Variants in MALRD1 observed in about 807,000 individuals in gnomAD.
The protein encoded by MALRD1 is MAM and LDL receptor class A domain containing 1, also known as MAM and LDL-receptor class A domain-containing protein 1.
A neutral mutation model predicts 242.1 loss-of-function variants in MALRD1; 247 were observed. That is an observed-to-expected ratio of 1.02 (90% CI 0.92 to 1.13). The LOEUF (loss-of-function observed/expected upper bound fraction) is 1.13. Ranked by LOEUF, MALRD1 falls within the 50% of genes most tolerant of loss-of-function variation. The pLI is 0.00. For missense variants in MALRD1, 2,989 were observed against 2,533.1 expected (o/e 1.18, Z -3.86); for synonymous variants, 995 against 866.6 (o/e 1.15, Z -2.60).
At chr10:19,576,863 C>T (rs11010521) in intron 33 of MALRD1, among the ~76,000 whole-genome samples, 12,749 of 152,060 alleles carry the variant, frequency 0.084, 761 homozygotes, top group African/African-American at 0.17. Flanking sequence ...TTAGTCTTAA[C>T]TTTGCAGTTC....
intron 31 of MALRD1, among the ~76,000 whole-genome samples, chr10:19,499,864 T>A (rs1191789197): frequency 1.3e-5 from 2 of 152,196 alleles, no homozygotes; most frequent in Non-Finnish European, 2.9e-5. Context: ...GGACATTCAT[T>A]CTTGTTTTAA....
chr10:19,312,503 C>T (rs558067711), intron 21 of MALRD1, among the ~76,000 whole-genome samples: 31 of 150,120 alleles, frequency 2.1e-4, no homozygotes, highest in African/African-American at 7.6e-4. Flanking sequence ...TTGAAAGCAT[C>T]GTAGTCTTTA....
chr10:19,177,114 T>A (rs531074886), intron 14 of MALRD1, among the ~76,000 whole-genome samples: 108 of 151,712 alleles, frequency 7.1e-4, no homozygotes, highest in African/African-American at 2.6e-3. Context: ...CCATCTCTAC[T>A]AAAAATACAA....
intron 34 of MALRD1, among the ~76,000 whole-genome samples, chr10:19,599,604 C>A (rs1351729376): frequency 1.3e-5 from 2 of 152,102 alleles, no homozygotes; most frequent in African/African-American, 2.4e-5. Context: ...CAGTCAATAT[C>A]CTGGCAAGAA....
chr10:19,596,529 A>C (rs1838106967), intron 34 of MALRD1, among the ~76,000 whole-genome samples: 1 of 152,044 alleles, frequency 6.6e-6, no homozygotes, highest in Non-Finnish European at 1.5e-5. Context: ...CAGGAGTTTA[A>C]GCCAGCCTGG....
intron 32 of MALRD1, among the ~76,000 whole-genome samples, chr10:19,557,591 G>A (rs909758020): frequency 6.6e-6 from 1 of 151,928 alleles, no homozygotes; most frequent in African/African-American, 2.4e-5. Context: ...TTCTATTTGT[G>A]TGAGTCTGTT....
intron 26 of MALRD1, among the ~76,000 whole-genome samples, chr10:19,365,882 C>A (rs1357478219): frequency 6.6e-6 from 1 of 151,864 alleles, no homozygotes; most frequent in Admixed American, 6.6e-5. Context: ...GTTCTCCTTC[C>A]CGGTAATACT....
intron 36 of MALRD1, among the ~76,000 whole-genome samples, chr10:19,635,444 G>A (rs1840086952): frequency 6.6e-6 from 1 of 151,978 alleles, no homozygotes; most frequent in East Asian, 1.9e-4. Flanking sequence ...GAAAAATTAG[G>A]CATAAAAACT....
chr10:19,516,838 A>G (rs1019884547), intron 31 of MALRD1, among the ~76,000 whole-genome samples: 14 of 151,786 alleles, frequency 9.2e-5, no homozygotes, highest in Non-Finnish European at 2.1e-4. Flanking sequence ...TTTTAAAATG[A>G]TATCTATGAG....
rs78074580 is a variant in MALRD1 at position 19,430,919 on chromosome 10, G to A, written c.4846-19388G>A. On this transcript the variant is annotated intron_variant, in intron 28 of 39. Transcript: ENST00000454679. ...AGGGTGCCTAATGTAGACTTGATGC[G>A]CCATATATGAGTTGAGTAAGTAAGA... Among the ~76,000 whole-genome samples, 856 of 152,180 alleles carry A rather than the reference G, an allele frequency of 5.6e-3. 12 individuals carry two copies. Among genetic ancestry groups the A allele is most frequent in the Admixed American group, 0.021 (317 of 15,274 alleles).
chr10:19,345,678 T>G (rs1343420803), intron 24 of MALRD1, among the ~76,000 whole-genome samples: 2 of 152,072 alleles, frequency 1.3e-5, no homozygotes, highest in Non-Finnish European at 1.5e-5. Flanking sequence ...TGTATCTCTA[T>G]CCTTGAAGAC....
chr10:19,478,501 T>A (rs1433269165), intron 29 of MALRD1, among the ~76,000 whole-genome samples: 7 of 152,156 alleles, frequency 4.6e-5, no homozygotes, highest in Non-Finnish European at 1.0e-4. Context: ...TTCTTCAAGT[T>A]AGAGTTAAAA....
chr10:19,530,376 TAAATA>T (rs1834314468), intron 31 of MALRD1, among the ~76,000 whole-genome samples: 1 of 89,930 alleles, frequency 1.1e-5, no homozygotes, highest in Admixed American at 1.4e-4. Context: ...AATATTTATA[TAAATA>T]TTATATATTT....
intron 36 of MALRD1, among the ~76,000 whole-genome samples, chr10:19,624,931 G>T (rs1461002356): frequency 6.6e-6 from 1 of 150,554 alleles, no homozygotes; most frequent in Non-Finnish European, 1.5e-5. Flanking sequence ...GCTGAGCACA[G>T]TGGCTCACAC....
At chr10:19,617,711 C>T (rs1425042151) in intron 36 of MALRD1, among the ~76,000 whole-genome samples, 1 of 151,952 alleles carries the variant, frequency 6.6e-6, no homozygotes, top group Non-Finnish European at 1.5e-5. Flanking sequence ...TACACAAGCA[C>T]ACATACACAC....
At chr10:19,701,663 TCTTCCCTTCC>T in intron 38 of MALRD1, among the ~76,000 whole-genome samples, 1 of 151,240 alleles carries the variant, frequency 6.6e-6, no homozygotes, top group African/African-American at 2.4e-5. Flanking sequence ...TCTGTATTTC[TCTTCCCTTCC>T]CTTCCCTTTC....
intron 36 of MALRD1, among the ~76,000 whole-genome samples, chr10:19,659,987 A>G (rs1312741671): frequency 6.6e-6 from 1 of 152,132 alleles, no homozygotes; most frequent in Admixed American, 6.6e-5. Context: ...CCCCCTTTAC[A>G]GTGCCTTTAG....
At chr10:19,670,402 C>A in intron 36 of MALRD1, among the ~76,000 whole-genome samples, 1 of 152,148 alleles carries the variant, frequency 6.6e-6, no homozygotes. Flanking sequence ...CACTCGGAAA[C>A]CCATTCCTCC....
chr10:19,448,034 C>T (rs936286101), intron 28 of MALRD1, among the ~76,000 whole-genome samples: 18 of 152,186 alleles, frequency 1.2e-4, no homozygotes, highest in East Asian at 3.9e-4. Flanking sequence ...GTTGTGCTCT[C>T]GGTAACCATG....
Sources: allele counts gnomAD v4.1 joint callset (sites outside exome capture counted in the v4.1 genomes callset), GRCh38; gene constraint gnomAD v4.1.1; transcripts MANE v1.5; gene names NCBI Gene and HGNC (gene_info 2026-07-23, HGNC 2026-07-21).